Variants in METTL25 observed in about 807,000 individuals in gnomAD.
METTL25 encodes methyltransferase like 25.
METTL25 carries 64 observed loss-of-function variants against 71.6 expected under a neutral mutation model. That is an observed-to-expected ratio of 0.89 (90% CI 0.73 to 1.10). METTL25 has a LOEUF of 1.10. Among genes scored for constraint, METTL25 ranks in the 50% least tolerant of loss-of-function variants. METTL25 has a pLI of 0.00. For missense variants in METTL25, 807 were observed against 707.0 expected, an observed-to-expected ratio of 1.14 and a Z score of -1.60; for synonymous variants, 287 against 250.3, an observed-to-expected ratio of 1.15 and a Z score of -1.38.
chr12:82,387,853 C>T (rs1325142253), intron 2 of METTL25, among the ~76,000 whole-genome samples: 3 of 152,108 alleles, frequency 2.0e-5, no homozygotes, highest in Admixed American at 6.6e-5. Flanking sequence ...TTTATTGGCA[C>T]ACTCAGGAGT....
intron 3 of METTL25, among the ~76,000 whole-genome samples, chr12:82,396,148 C>G (rs1050376301): frequency 6.6e-6 from 1 of 152,010 alleles, no homozygotes; most frequent in African/African-American, 2.4e-5. Context: ...GTCTAGTAGG[C>G]TATACCATCT....
At position 82,392,837 on chromosome 12, in the gene METTL25, T is replaced by C. The variant is rs2136973289; in HGVS notation, c.531+2915T>C. Among the ~76,000 whole-genome samples the C allele has an allele frequency of 1.3e-5, 2 of 152,200 alleles. 1 individual carries two copies. Among genetic ancestry groups the C allele is most frequent in the South Asian group, 4.1e-4 (2 of 4,826 alleles). ...TATGGTGAGAGATAGGGGTCTAGTT[T>C]CATTCTTCTGCTTATGGATATCCAG... On this transcript the variant is annotated intron_variant, in intron 3 of 11. Transcript: ENST00000248306.
intron 9 of METTL25, among the ~76,000 whole-genome samples, chr12:82,472,377 T>A (rs1892621374): frequency 6.6e-6 from 1 of 152,188 alleles, no homozygotes; most frequent in Admixed American, 6.5e-5. Flanking sequence ...AGCAGGCAGA[T>A]CACGAGGTCA....
At chr12:82,388,467 C>T (rs771138992) in intron 2 of METTL25, among the ~76,000 whole-genome samples, 3 of 151,894 alleles carry the variant, frequency 2.0e-5, no homozygotes, top group African/African-American at 4.8e-5. Flanking sequence ...GGGCTGTAGT[C>T]GACTGGCAAT....
chr12:82,472,720 T>C (rs1334003603), intron 9 of METTL25, among the ~76,000 whole-genome samples: 1 of 152,236 alleles, frequency 6.6e-6, no homozygotes, highest in African/African-American at 2.4e-5. Context: ...TCTATCTCTT[T>C]AATTTCTCAT....
chr12:82,445,156 T>C (rs1282508064), intron 8 of METTL25, among the ~76,000 whole-genome samples: 1 of 152,038 alleles, frequency 6.6e-6, no homozygotes, highest in Non-Finnish European at 1.5e-5. Flanking sequence ...CCTGTGACAA[T>C]TGAATAAACT....
At position 82,424,401 on chromosome 12, in the gene METTL25, G is replaced by A. The variant is rs555319557; in HGVS notation, c.1280-6492G>A. ...GGGCCTGTTGTGGGGTGGGGGAAGG[G>A]GGGAGGGATAGCATTAGGAGATATA... On this transcript the variant is annotated intron_variant, in intron 5 of 11. Transcript: ENST00000248306. 1.8e-4 allele frequency among the ~76,000 whole-genome samples: 28 copies of A among 152,212 alleles called. No individual in the cohort carries two copies. In the East Asian group the frequency reaches 5.4e-3, roughly 29 times the overall value.
chr12:82,385,323 AT>A (rs1050734924), intron 1 of METTL25, among the ~76,000 whole-genome samples: 1 of 152,002 alleles, frequency 6.6e-6, no homozygotes, highest in Non-Finnish European at 1.5e-5. Context: ...GTGTTTAAGA[AT>A]TTTTTTTAAT....
intron 1 of METTL25, among the ~76,000 whole-genome samples, chr12:82,377,658 A>C (rs1344342788): frequency 2.0e-5 from 3 of 152,230 alleles, no homozygotes; most frequent in African/African-American, 7.2e-5. Flanking sequence ...TCTGCTTTGA[A>C]TATTTAAAAT....
chr12:82,362,528 C>T (rs753311642), intron 1 of METTL25, among the ~76,000 whole-genome samples: 1 of 152,218 alleles, frequency 6.6e-6, no homozygotes, highest in Non-Finnish European at 1.5e-5. Context: ...ATTTTAAACA[C>T]AGCTGAGCAG....
At chr12:82,429,855 T>G (rs1362109178) in intron 5 of METTL25, among the ~76,000 whole-genome samples, 1 of 151,550 alleles carries the variant, frequency 6.6e-6, no homozygotes, top group Non-Finnish European at 1.5e-5. Flanking sequence ...TTCCATCTGA[T>G]TATCAGTAGG....
At chr12:82,435,276 C>T (rs905051696) in intron 7 of METTL25, among the ~76,000 whole-genome samples, 1 of 151,168 alleles carries the variant, frequency 6.6e-6, no homozygotes, top group Non-Finnish European at 1.5e-5. Context: ...TGGACCCTTT[C>T]ATAAAATTTT....
At chr12:82,449,649 A>AG (rs1466534234) in intron 8 of METTL25, among the ~76,000 whole-genome samples, 1 of 152,014 alleles carries the variant, frequency 6.6e-6, no homozygotes, top group Non-Finnish European at 1.5e-5. Flanking sequence ...TGTAATACTT[A>AG]AGCTGTGATT....
chr12:82,358,554 A>G lies in METTL25; in HGVS notation c.-12A>G, dbSNP rs537286915. On this transcript the variant is annotated 5_prime_UTR_variant, in exon 1 of 12. Coordinates refer to ENST00000248306, the MANE Select transcript of METTL25 (RefSeq NM_032230.3). ...ATGTTTGCGCCACCTACAGCCTCGG[A>G]GGGTGAGCGTCATGGCGGCTTCTTG... 7 of 1,607,988 alleles carry G rather than the reference A, an allele frequency of 4.4e-6. No homozygotes were observed. Among genetic ancestry groups the G allele is most frequent in the African/African-American group, 1.3e-5 (1 of 74,900 alleles).
chr12:82,479,075 G>A lies in METTL25; in HGVS notation c.*51G>A. 1 of 1,502,262 alleles carries A rather than the reference G, an allele frequency of 6.7e-7. No homozygotes were observed. Among genetic ancestry groups the A allele is most frequent in the South Asian group, 1.1e-5 (1 of 87,844 alleles). The allele number at this position is 1,502,262 out of a possible 1,614,324, so 93.1% of individuals were successfully genotyped here. On this transcript the variant is annotated 3_prime_UTR_variant, in exon 12 of 12. Coordinates refer to ENST00000248306, the MANE Select transcript of METTL25 (RefSeq NM_032230.3). ...GTATTTCTCTATGAGACCTGTTGCT[G>A]AGATTGCTTTTCTAAACATATATGT...
chr12:82,459,696 T>C (rs376892479), intron 9 of METTL25, among the ~76,000 whole-genome samples: 1 of 152,296 alleles, frequency 6.6e-6, no homozygotes, highest in African/African-American at 2.4e-5. Context: ...GGGCTTATTA[T>C]TAGGCTGAAC....
At chr12:82,407,124 A>G (rs1056417387) in intron 5 of METTL25, among the ~76,000 whole-genome samples, 15 of 152,130 alleles carry the variant, frequency 9.9e-5, no homozygotes, top group Admixed American at 6.6e-4. Context: ...CTGTTTTCCA[A>G]AAATCTCTTC....
chr12:82,360,500 T>TC (rs1290107454), intron 1 of METTL25, among the ~76,000 whole-genome samples: 1 of 143,782 alleles, frequency 7.0e-6, no homozygotes, highest in African/African-American at 2.6e-5. Context: ...AAGGGAGGAG[T>TC]AAGTAAGGGG....
At chr12:82,380,166 A>G (rs920567822) in intron 1 of METTL25, among the ~76,000 whole-genome samples, 6 of 152,018 alleles carry the variant, frequency 3.9e-5, no homozygotes, top group Non-Finnish European at 8.8e-5. Context: ...GTTCCCCTCT[A>G]TGTTTCCATG....
Sources: allele counts gnomAD v4.1 joint callset (sites outside exome capture counted in the v4.1 genomes callset), GRCh38; gene constraint gnomAD v4.1.1; transcripts MANE v1.5; gene names NCBI Gene and HGNC (gene_info 2026-07-23, HGNC 2026-07-21).